Variants in ARL2BP observed in about 807,000 individuals in gnomAD.
ARL2BP encodes ARF like GTPase 2 binding protein, also known as ADP-ribosylation factor-like protein 2-binding protein.
ARL2BP carries 19 observed loss-of-function variants against 24.2 expected under a neutral mutation model. The ratio of observed to expected loss-of-function variants is 0.79; its 90% CI spans 0.55 to 1.15. The LOEUF is 1.15. Ranked by LOEUF, ARL2BP falls within the 50% of genes most tolerant of loss-of-function variation. ARL2BP has a pLI of 0.00. For synonymous variants in ARL2BP, 56 were observed against 70.5 expected (o/e 0.79, Z 1.03); for missense variants, 160 against 190.4 (o/e 0.84, Z 0.94).
intron 3 of ARL2BP, 69 bp from the exon 4 acceptor site, chr16:57,249,698 C>T (rs1198708188): frequency 3.2e-6 from 4 of 1,253,818 alleles, no homozygotes; most frequent in Non-Finnish European, 4.7e-6. Flanking sequence ...AAGGGCTGGG[C>T]AGGCTTTCTG....
At chr16:57,245,934 C>G (rs2075389036) in intron 1 of ARL2BP, 146 bp from the exon 2 acceptor site, 1 of 737,568 alleles carries the variant, frequency 1.4e-6, no homozygotes, top group African/African-American at 1.8e-5. Context: ...CTAGATCAGT[C>G]AGTCATTCTT....
intron 2 of ARL2BP, 169 bp downstream of exon 2, chr16:57,246,310 A>G: frequency 1.5e-6 from 1 of 662,948 alleles, no homozygotes; most frequent in Non-Finnish European, 2.6e-6. Flanking sequence ...CTTAGAAACA[A>G]ACAGCCCAGT....
At position 57,252,590 on chromosome 16, in the gene ARL2BP, G is replaced by T; in HGVS notation, c.*323G>T. On this transcript the variant is annotated 3_prime_UTR_variant, in exon 6 of 6. Coordinates refer to ENST00000219204, the MANE Select transcript of ARL2BP (RefSeq NM_012106.4). ...GGGCCCTTCCCCAGCATACCTGCTGGTGTGTAAGTGTGGACTAACCCGCCG... is the reference window on the plus strand; with the variant it reads ...GGGCCCTTCCCCAGCATACCTGCTGTTGTGTAAGTGTGGACTAACCCGCCG... 1 of 371,596 alleles carries T rather than the reference G, an allele frequency of 2.7e-6. No individual in the cohort carries two copies. The highest frequency in any genetic ancestry group is 5.0e-6 in the Non-Finnish European group (1 of 198,098). The allele number at this position is 371,596 out of a possible 1,614,324, so 23.0% of individuals were successfully genotyped here. A position where few individuals can be genotyped will look rare whatever the true frequency, so the allele number is the denominator to read the frequency against.
At position 57,248,614 on chromosome 16, in the gene ARL2BP, C is replaced by T; in HGVS notation, c.178C>T (p.Leu60Phe). The change falls in exon 3 of 6, where the codon CTC (leucine) becomes TTC (phenylalanine). Residue 60 changes from leucine to phenylalanine, a missense_variant. Coordinates refer to ENST00000219204, the MANE Select transcript of ARL2BP (RefSeq NM_012106.4). ...LEFEDTEENK[L>F]IYTPIFNEYI... The stretch of plus-strand genomic sequence containing the variant: ...GTTTGAAGACACAGAAGAGAATAAA[C>T]TCATCTACACACCTATTTTTAATGA... 1.3e-6 allele frequency: 2 copies of T among 1,592,874 alleles called. No individual in the cohort carries two copies. The highest frequency in any genetic ancestry group is 1.4e-5 in the African/African-American group (1 of 73,984).
At chr16:57,250,009 G>C in intron 4 of ARL2BP, 157 bp downstream of exon 4, 1 of 671,000 alleles carries the variant, frequency 1.5e-6, no homozygotes. Flanking sequence ...ATGAAATCTT[G>C]AAAAGATCAG....
In ARL2BP at chr16:57,252,614, C is replaced by T. The variant is rs925059971; in HGVS notation, c.*347C>T. 8 of 292,858 alleles carry T rather than the reference C, an allele frequency of 2.7e-5. No homozygotes were observed. The highest frequency in any genetic ancestry group is 1.2e-4 in the South Asian group (3 of 25,682). The allele number at this position is 292,858 out of a possible 1,614,324, so 18.1% of individuals were successfully genotyped here. A position where few individuals can be genotyped will look rare whatever the true frequency, so the allele number is the denominator to read the frequency against. Reference sequence around the variant, plus strand: ...GGTGTGTAAGTGTGGACTAACCCGCCGCCACCACCCTCTGTTCCAGCAGGC... The same window carrying T: ...GGTGTGTAAGTGTGGACTAACCCGCTGCCACCACCCTCTGTTCCAGCAGGC... On this transcript the variant is annotated 3_prime_UTR_variant, in exon 6 of 6. Coordinates refer to ENST00000219204, the MANE Select transcript of ARL2BP (RefSeq NM_012106.4).
chr16:57,250,378 C>T, intron 4 of ARL2BP, 33 bp from the exon 5 acceptor site: 1 of 1,567,206 alleles, frequency 6.4e-7, no homozygotes, highest in Non-Finnish European at 8.8e-7. Flanking sequence ...TCTCATCATT[C>T]ATTCACGAAA....
Position 57,252,193 on chromosome 16 carries a change from A to C in ARL2BP, c.418A>C (p.Ser140Arg). ...AAAAGAAGGCCGAGGACTGGACTTAAGCAGTGGCTTAGTGGTGACTTCATT... is the reference window on the plus strand; with the variant it reads ...AAAAGAAGGCCGAGGACTGGACTTACGCAGTGGCTTAGTGGTGACTTCATT... ...AEKEGRGLDL[S>R]SGLVVTSLCK... The change falls in exon 6 of 6, where the codon AGC becomes CGC. Residue 140 changes from serine to arginine, a missense_variant. By Grantham distance (110) the Ser-to-Arg change is moderately radical (BLOSUM62 -1). Transcript: ENST00000219204. 2 of 1,614,156 alleles carry C rather than the reference A, an allele frequency of 1.2e-6. No individual in the cohort carries two copies. The highest frequency in any genetic ancestry group is 1.7e-6 in the Non-Finnish European group (2 of 1,180,028).
intron 5 of ARL2BP, chr16:57,251,839 C>A: frequency 3.7e-6 from 1 of 269,288 alleles, no homozygotes; most frequent in Non-Finnish European, 7.1e-6. Context: ...GTGGTGCACA[C>A]CTGTAGTCCT....
At chr16:57,245,826 C>T (rs2075388724) in intron 1 of ARL2BP, 1 of 562,050 alleles carries the variant, frequency 1.8e-6, no homozygotes, top group Admixed American at 3.2e-5. Flanking sequence ...GGGGTGATAG[C>T]TAAGAGCCTG....
rs1442671726 is a variant in ARL2BP at position 57,253,125 on chromosome 16, C to G, written c.*858C>G. 6.6e-6 allele frequency: 1 copy of G among 152,566 alleles called. No individual in the cohort carries two copies. The highest frequency in any genetic ancestry group is 1.9e-4 in the East Asian group (1 of 5,200). The allele number at this position is 152,566 out of a possible 1,614,324, so 9.5% of individuals were successfully genotyped here. A position where few individuals can be genotyped will look rare whatever the true frequency, so the allele number is the denominator to read the frequency against. On this transcript the variant is annotated 3_prime_UTR_variant, in exon 6 of 6. Transcript: ENST00000219204. ...CATTCATTCCTATTTTACTGGGCAC[C>G]TATGAATGTATGCTGTGTGCTAGAA...
intron 1 of ARL2BP, 97 bp downstream of exon 1, chr16:57,245,502 G>C: frequency 1.4e-6 from 2 of 1,462,756 alleles, no homozygotes; most frequent in Non-Finnish European, 1.9e-6. Flanking sequence ...CTTAGGGGCC[G>C]GGCCGGGCCG....
chr16:57,249,370 T>C, intron 3 of ARL2BP: 1 of 167,302 alleles, frequency 6.0e-6, no homozygotes, highest in Non-Finnish European at 1.3e-5. Flanking sequence ...CACAGAAGCA[T>C]GGCATAAACA....
chr16:57,248,346 A>AAAAAGAAAAC (rs1294754488), intron 2 of ARL2BP, 191 bp from the exon 3 acceptor site: 1 of 320,048 alleles, frequency 3.1e-6, no homozygotes, highest in African/African-American at 2.2e-5. Flanking sequence ...AGAAAGAAAG[A>AAAAAGAAAAC]AAAAGAAAAC....
chr16:57,245,957 T>C, intron 1 of ARL2BP, 123 bp from the exon 2 acceptor site: 1 of 855,698 alleles, frequency 1.2e-6, no homozygotes, highest in Non-Finnish European at 1.9e-6. Flanking sequence ...TCGTTGAAGA[T>C]GGGTGATGGG....
At chr16:57,245,758 A>ACC (rs1174514858) in intron 1 of ARL2BP, 1 of 455,984 alleles carries the variant, frequency 2.2e-6, no homozygotes, top group Non-Finnish European at 3.9e-6. Context: ...TGACCAAATG[A>ACC]CCCCCCCCGG....
In ARL2BP at chr16:57,250,520, TC is replaced by T; in HGVS notation, c.390+15del. The T allele has an allele frequency of 6.2e-7, 1 of 1,605,814 alleles. No individual in the cohort carries two copies. Among genetic ancestry groups the T allele is most frequent in the Non-Finnish European group, 8.5e-7 (1 of 1,172,538 alleles). On this transcript the variant is annotated intron_variant, in intron 5 of 5. Coordinates refer to ENST00000219204, the MANE Select transcript of ARL2BP (RefSeq NM_012106.4). ...GGACTACAGAGCAGTAAGTTACTACTCCTATTTATTTAGCCACTTTGAGCCA... is the reference window on the plus strand; with the variant it reads ...GGACTACAGAGCAGTAAGTTACTACTCTATTTATTTAGCCACTTTGAGCCA...
Position 57,252,450 on chromosome 16 carries a change from C to T in ARL2BP, c.*183C>T, listed in dbSNP as rs1597954749. ...TCCTGGACCTATTTATCCTGAAACA[C>T]CTTCTTGTATTCATTAACCATAGTA... On this transcript the variant is annotated 3_prime_UTR_variant, in exon 6 of 6. Coordinates refer to ENST00000219204, the MANE Select transcript of ARL2BP (RefSeq NM_012106.4). 9.1e-7 allele frequency: 1 copy of T among 1,097,644 alleles called. No individual in the cohort carries two copies. The highest frequency in any genetic ancestry group is 1.5e-5 in the South Asian group (1 of 64,778). 68.0% of individuals were successfully genotyped at this position (1,097,644 alleles called of 1,614,324 possible). A position where few individuals can be genotyped will look rare whatever the true frequency, so the allele number is the denominator to read the frequency against.
At chr16:57,250,700 C>T (rs1221105959) in intron 5 of ARL2BP, 193 bp downstream of exon 5, 2 of 592,948 alleles carry the variant, frequency 3.4e-6, no homozygotes, top group African/African-American at 3.7e-5. Context: ...AGCCCAGGTA[C>T]CAACTTAGAG....
Sources: gnomAD v4.1 joint callset for allele counts on GRCh38, gnomAD v4.1.1 for gene constraint, MANE v1.5 for transcripts, NCBI Gene and HGNC (gene_info 2026-07-23, HGNC 2026-07-21) for gene names.